LTBP1: variants seen among roughly 807,000 people sequenced by gnomAD.
The protein encoded by LTBP1 is latent transforming growth factor beta binding protein 1, also known as latent-transforming growth factor beta-binding protein 1.
LTBP1 carries 129 observed loss-of-function variants against 207.6 expected under a neutral mutation model. The ratio of observed to expected loss-of-function variants is 0.62; its 90% CI spans 0.54 to 0.72. LTBP1 has a LOEUF of 0.72. LTBP1 is among the 30% of genes least tolerant of loss of function. The probability of loss-of-function intolerance (pLI) is 0.00; values close to 1 mark genes in which losing one functional copy is unlikely to be tolerated. For synonymous variants in LTBP1, 963 were observed against 833.7 expected (o/e 1.16, Z -2.67); for missense variants, 2,281 against 2,217.2 (o/e 1.03, Z -0.58).
chr2:33,312,550 A>T (rs938448985), intron 23 of LTBP1, among the ~76,000 whole-genome samples: 3 of 151,988 alleles, frequency 2.0e-5, no homozygotes, highest in Admixed American at 2.0e-4. Flanking sequence ...CCCAACTTAA[A>T]TATAGTCTGG....
chr2:33,232,824 A>G (rs2091862345), intron 9 of LTBP1, among the ~76,000 whole-genome samples: 2 of 152,110 alleles, frequency 1.3e-5, no homozygotes. Flanking sequence ...GTCTGAAAAT[A>G]TCTTTATTTT....
Position 33,397,273 on chromosome 2 carries a change from A to T in LTBP1, c.4975A>T (p.Thr1659Ser), listed in dbSNP as rs2095367272. ...DGYHLDTAKMTCVDVNECDEL... is the reference protein window; with the variant it reads ...DGYHLDTAKMSCVDVNECDEL... ...GTATCACTTGGATACGGCCAAGATG[A>T]CCTGTGTCGGTAAGAATGACGTGTG... Residue 1659 changes from threonine to serine, a missense_variant, in exon 33 of 34, where the codon ACC (threonine) becomes TCC (serine). Physicochemically the swap from Thr to Ser is moderately conservative, Grantham distance 58. Around this residue, in one of 3 missense-constraint regions of LTBP1, gnomAD observed 1,671 missense variants for 1,634.8 expected, o/e 1.02. Coordinates refer to ENST00000404816, the MANE Select transcript of LTBP1 (RefSeq NM_206943.4). 6.2e-7 allele frequency: 1 copy of T among 1,613,994 alleles called. No individual in the cohort carries two copies. Among genetic ancestry groups the T allele is most frequent in the Non-Finnish European group, 8.5e-7 (1 of 1,179,946 alleles).
intron 20 of LTBP1, among the ~76,000 whole-genome samples, chr2:33,294,255 G>C (rs767876712): frequency 6.6e-6 from 1 of 151,794 alleles, no homozygotes; most frequent in Non-Finnish European, 1.5e-5. Flanking sequence ...GGAGTGCTGT[G>C]GCATGATCTT....
At chr2:33,060,597 A>C (rs1020638342) in intron 3 of LTBP1, among the ~76,000 whole-genome samples, 5 of 150,062 alleles carry the variant, frequency 3.3e-5, no homozygotes, top group Non-Finnish European at 7.4e-5. Context: ...ATATGGAGGG[A>C]GGCAGGGAGG....
rs1393711251 is a variant in LTBP1 at position 32,947,730 on chromosome 2, A to G, written c.406A>G (p.Arg136Gly). 6.5e-7 allele frequency: 1 copy of G among 1,537,120 alleles called. No homozygotes were observed. The highest frequency in any genetic ancestry group is 8.7e-7 in the Non-Finnish European group (1 of 1,143,376). Reference sequence around the variant, plus strand: ...AGCCGCCCCGTTCACCAAACAAGGCAGGCAAGTTGTGCGCTCCAAGGTGCC... The same window carrying G: ...AGCCGCCCCGTTCACCAAACAAGGCGGGCAAGTTGTGCGCTCCAAGGTGCC... ...PAAAPFTKQG[R>G]QVVRSKVPQE... Residue 136 changes from arginine to glycine, a missense_variant, in exon 1 of 34, where the codon AGG becomes GGG. Around this residue, in one of 3 missense-constraint regions of LTBP1, gnomAD observed 555 missense variants for 491.0 expected, o/e 1.13. Transcript: ENST00000404816.
At chr2:33,002,963 C>T (rs951380924) in intron 2 of LTBP1, among the ~76,000 whole-genome samples, 15 of 152,274 alleles carry the variant, frequency 9.9e-5, no homozygotes, top group South Asian at 2.1e-4. Flanking sequence ...CAGGCGTAAG[C>T]GACCGTGCCT....
Position 32,947,158 on chromosome 2 carries a change from C to T in LTBP1, c.-167C>T, listed in dbSNP as rs1163524138. The T allele has an allele frequency of 1.7e-5, 7 of 417,114 alleles. No homozygotes were observed. The highest frequency in any genetic ancestry group is 4.7e-5 in the Admixed American group (1 of 21,282). The allele number at this position is 417,114 out of a possible 1,614,324, so 25.8% of individuals were successfully genotyped here. ...CAATCGGCCGGGGTCTGGGGCCGCT[C>T]AGCTGCCCGCAGAGCCTCCTCCCTC... is the stretch of plus-strand genomic sequence containing the variant. On this transcript the variant is annotated 5_prime_UTR_variant, in exon 1 of 34. Transcript: ENST00000404816.
At position 33,040,923 on chromosome 2, in the gene LTBP1, G is replaced by T. The variant is rs190482602; in HGVS notation, c.863+19717G>T. On this transcript the variant is annotated intron_variant, in intron 3 of 33. Coordinates refer to ENST00000404816, the MANE Select transcript of LTBP1 (RefSeq NM_206943.4). The stretch of plus-strand genomic sequence containing the variant: ...CAGCTCTTTACCATTTGCTATGGAA[G>T]AAGTCTGACAATTTTACAATGGTCA... Among the ~76,000 whole-genome samples, 6 of 152,294 alleles carry T rather than the reference G, an allele frequency of 3.9e-5. No individual in the cohort carries two copies. The East Asian group carries it at 9.6e-4, about 24-fold the overall frequency.
chr2:33,279,891 A>G (rs919324600), intron 18 of LTBP1, 148 bp from the exon 19 acceptor site: 21 of 725,914 alleles, frequency 2.9e-5, no homozygotes, highest in Non-Finnish European at 4.8e-5. Flanking sequence ...GTATTTAAGT[A>G]TAGACCCAAT....
chr2:33,232,589 T>C (rs1006740568), intron 9 of LTBP1, among the ~76,000 whole-genome samples: 15 of 152,194 alleles, frequency 9.9e-5, no homozygotes, highest in African/African-American at 3.4e-4. Context: ...TTCCTGCATT[T>C]GTTTCTTCTT....
chr2:33,054,720 C>T (rs769344655), intron 3 of LTBP1, among the ~76,000 whole-genome samples: 4 of 152,120 alleles, frequency 2.6e-5, no homozygotes, highest in East Asian at 1.9e-4. Flanking sequence ...CTGAGAAGGC[C>T]GCACCAGTGT....
intron 33 of LTBP1, among the ~76,000 whole-genome samples, 188 bp from the exon 34 acceptor site, chr2:33,398,176 A>G (rs766423399): frequency 5.3e-5 from 8 of 152,244 alleles, no homozygotes; most frequent in Non-Finnish European, 8.8e-5. Context: ...AAGAAGTTCT[A>G]GAACCTCCCT....
chr2:33,327,716 T>C (rs368805258), intron 24 of LTBP1, among the ~76,000 whole-genome samples: 20 of 152,216 alleles, frequency 1.3e-4, no homozygotes, highest in Middle Eastern at 3.4e-3. Context: ...TATGCCACAA[T>C]ACCTGTAACC....
At chr2:33,060,492 G>C (rs2077209818) in intron 3 of LTBP1, among the ~76,000 whole-genome samples, 1 of 151,396 alleles carries the variant, frequency 6.6e-6, no homozygotes, top group African/African-American at 2.4e-5. Context: ...ATCTTAATTT[G>C]GGCTGTGCTG....
At chr2:32,978,144 G>T (rs1465851023) in intron 2 of LTBP1, among the ~76,000 whole-genome samples, 1 of 152,042 alleles carries the variant, frequency 6.6e-6, no homozygotes, top group Non-Finnish European at 1.5e-5. Flanking sequence ...CCAAAAATAA[G>T]ATCATATCAT....
At chr2:33,006,872 G>C (rs1573048860) in intron 2 of LTBP1, among the ~76,000 whole-genome samples, 1 of 152,176 alleles carries the variant, frequency 6.6e-6, no homozygotes, top group East Asian at 1.9e-4. Context: ...CGTGTGTTTT[G>C]TTTGCAAATG....
At chr2:33,228,726 A>C (rs561171552) in intron 9 of LTBP1, among the ~76,000 whole-genome samples, 104 of 30,208 alleles carry the variant, frequency 3.4e-3, no homozygotes, top group Non-Finnish European at 6.8e-3. Context: ...TTTGAGATGG[A>C]GTCTTACTCT....
chr2:33,299,586 A>C (rs2093945142), intron 20 of LTBP1, among the ~76,000 whole-genome samples: 1 of 152,198 alleles, frequency 6.6e-6, no homozygotes, highest in South Asian at 2.1e-4. Flanking sequence ...TTTAATAATC[A>C]TAAACTCTTA....
chr2:33,235,371 A>T lies in LTBP1; in HGVS notation c.1877-8291A>T, dbSNP rs186094613. Among the ~76,000 whole-genome samples the T allele has an allele frequency of 7.0e-3, 1,068 of 152,356 alleles. 12 individuals are homozygous for T. Among genetic ancestry groups the T allele is most frequent in the African/African-American group, 0.021 (875 of 41,586 alleles). The stretch of plus-strand genomic sequence containing the variant: ...TGAGATACCATCTCACGTCAGTTAG[A>T]ATGGCGATCATTAAAAAGTCAGGAA... On this transcript the variant is annotated intron_variant, in intron 9 of 33. Transcript: ENST00000404816.
Sources: gnomAD v4.1 joint callset for allele counts (sites outside exome capture counted in the v4.1 genomes callset) on GRCh38, gnomAD v4.1.1 for gene constraint, gnomAD v4.1.1 regional missense constraint, MANE v1.5 for transcripts, NCBI Gene and HGNC (gene_info 2026-07-23, HGNC 2026-07-21) for gene names.